The following GRM7 variants were observed in gnomAD, a reference collection of about 807,000 sequenced individuals.
GRM7 encodes metabotropic glutamate receptor 7.
Under a neutral mutation model 84.5 loss-of-function variants are expected in GRM7, and 35 were observed. The observed-to-expected ratio is 0.41, with a 90% CI of 0.32 to 0.55. The LOEUF (loss-of-function observed/expected upper bound fraction) is 0.55. Ranked by LOEUF, GRM7 falls within the 20% of genes least tolerant of loss-of-function variation. GRM7 has a pLI of 0.19. For synonymous variants in GRM7, 487 were observed against 455.1 expected (o/e 1.07, Z -0.89); for missense variants, 1,003 against 1,194.6 (o/e 0.84, Z 2.36).
intron 4 of GRM7, among the ~76,000 whole-genome samples, chr3:7,401,725 C>T: frequency 6.6e-6 from 1 of 152,104 alleles, no homozygotes; most frequent in East Asian, 1.9e-4. Context: ...GTGAAACTTC[C>T]ATCATTGCAT....
intron 1 of GRM7, among the ~76,000 whole-genome samples, chr3:6,927,604 G>A (rs1017453221): frequency 6.6e-6 from 1 of 152,024 alleles, no homozygotes; most frequent in African/African-American, 2.4e-5. Flanking sequence ...ACTTTAGAGA[G>A]AATAAATATC....
At chr3:7,546,167 A>G (rs1693137597) in intron 7 of GRM7, among the ~76,000 whole-genome samples, 1 of 152,196 alleles carries the variant, frequency 6.6e-6, no homozygotes, top group Admixed American at 6.5e-5. Context: ...ACACTCCCCT[A>G]TCCTCTCATA....
intron 1 of GRM7, among the ~76,000 whole-genome samples, chr3:6,911,886 T>C (rs956418571): frequency 1.3e-5 from 2 of 152,218 alleles, no homozygotes; most frequent in Non-Finnish European, 2.9e-5. Flanking sequence ...GATAATCATA[T>C]GCATTAGACG....
intron 4 of GRM7, among the ~76,000 whole-genome samples, chr3:7,352,057 CCACACACACACACACACACACACACACA>C (rs56873432): frequency 1.5e-5 from 2 of 136,894 alleles, no homozygotes; most frequent in Admixed American, 1.5e-4. Flanking sequence ...CACACACACA[CCACACACACACACACACACACACACACA>C]CACACACACA....
intron 1 of GRM7, among the ~76,000 whole-genome samples, chr3:6,955,176 A>G (rs895419897): frequency 1.3e-5 from 2 of 152,234 alleles, no homozygotes; most frequent in African/African-American, 4.8e-5. Context: ...TATCAAAACA[A>G]GACAAAACAA....
Position 7,573,946 on chromosome 3 carries a change from G to A in GRM7, c.1516-4476G>A, listed in dbSNP as rs187487960. Among the ~76,000 whole-genome samples, 31 of 152,234 alleles carry A rather than the reference G, an allele frequency of 2.0e-4. 1 individual carries two copies. The highest frequency in any genetic ancestry group is 9.8e-4 in the Admixed American group (15 of 15,310). On this transcript the variant is annotated intron_variant, in intron 7 of 9. Coordinates refer to ENST00000357716, the MANE Select transcript of GRM7 (RefSeq NM_000844.4). ...GAATGCGTGACTGCAATTAGTAGAT[G>A]GCCATGGAGAATTGGTTAGCCATTA...
chr3:7,404,172 C>G (rs945323647), intron 4 of GRM7, among the ~76,000 whole-genome samples: 2 of 152,136 alleles, frequency 1.3e-5, no homozygotes, highest in African/African-American at 4.8e-5. Context: ...TATACTTCCT[C>G]TATGTCAGGG....
At chr3:7,470,931 C>G (rs1698676210) in intron 7 of GRM7, among the ~76,000 whole-genome samples, 2 of 151,850 alleles carry the variant, frequency 1.3e-5, no homozygotes, top group African/African-American at 2.4e-5. Context: ...TAAAGTGCTT[C>G]CATCCAATTG....
At chr3:7,587,903 G>A (rs2125060741) in intron 8 of GRM7, among the ~76,000 whole-genome samples, 1 of 152,162 alleles carries the variant, frequency 6.6e-6, no homozygotes, top group South Asian at 2.1e-4. Flanking sequence ...TCAGAAAGAG[G>A]CCAGTGAACC....
At chr3:7,254,355 C>T (rs1698121326) in intron 2 of GRM7, among the ~76,000 whole-genome samples, 1 of 152,166 alleles carries the variant, frequency 6.6e-6, no homozygotes, top group South Asian at 2.1e-4. Flanking sequence ...GCATATTGCT[C>T]CAGAAAGGCA....
At chr3:6,887,718 G>T (rs983981602) in intron 1 of GRM7, among the ~76,000 whole-genome samples, 13 of 152,066 alleles carry the variant, frequency 8.5e-5, no homozygotes, top group South Asian at 4.1e-4. Flanking sequence ...TATAGCAGCA[G>T]GATTTATAGT....
At chr3:7,039,624 A>G in intron 1 of GRM7, among the ~76,000 whole-genome samples, 1 of 152,154 alleles carries the variant, frequency 6.6e-6, no homozygotes, top group East Asian at 1.9e-4. Flanking sequence ...GAGGACCCAT[A>G]ATTTCCATCT....
At chr3:7,732,397 G>A (rs556025129) in intron 9 of GRM7, among the ~76,000 whole-genome samples, 1 of 152,308 alleles carries the variant, frequency 6.6e-6, no homozygotes, top group South Asian at 2.1e-4. Flanking sequence ...CCCTGGTTGT[G>A]TATGAGGAGG....
chr3:7,214,108 A>C lies in GRM7; in HGVS notation c.736+67440A>C, dbSNP rs528689076. 6.8e-5 allele frequency among the ~76,000 whole-genome samples: 9 copies of C among 131,500 alleles called. 1 individual carries two copies. The South Asian group carries it at 2.1e-3, about 31-fold the overall frequency. The allele number at this position is 131,500 out of a possible 152,430, so 86.3% of individuals were successfully genotyped here. On this transcript the variant is annotated intron_variant, in intron 2 of 9. Coordinates refer to ENST00000357716, the MANE Select transcript of GRM7 (RefSeq NM_000844.4). ...ATGCTCACAGAGCTCATCTGAACTA[A>C]TCAGCCAAAAAAAAAAAAAAAGACA...
intron 8 of GRM7, among the ~76,000 whole-genome samples, chr3:7,642,863 A>G (rs895404791): frequency 2.0e-5 from 3 of 152,180 alleles, no homozygotes; most frequent in African/African-American, 7.2e-5. Flanking sequence ...AGCACATGGT[A>G]TGCACTCATT....
At chr3:7,434,829 A>G (rs1294926108) in intron 5 of GRM7, among the ~76,000 whole-genome samples, 1 of 152,100 alleles carries the variant, frequency 6.6e-6, no homozygotes, top group Admixed American at 6.5e-5. Context: ...AAATGTCCCC[A>G]CCTCTTCTAC....
chr3:7,475,616 G>A (rs993709225), intron 7 of GRM7, among the ~76,000 whole-genome samples: 1 of 152,182 alleles, frequency 6.6e-6, no homozygotes, highest in African/African-American at 2.4e-5. Context: ...TTACACAAAT[G>A]AGTGTCATCA....
chr3:7,713,795 CTTTTT>C (rs60007117), intron 9 of GRM7, among the ~76,000 whole-genome samples: 2,551 of 64,812 alleles, frequency 0.039, 90 homozygotes, highest in African/African-American at 0.12. Context: ...CGGATGCTTT[CTTTTT>C]TTTTTTTTTT....
intron 7 of GRM7, among the ~76,000 whole-genome samples, chr3:7,490,686 G>A (rs1345286839): frequency 2.6e-5 from 4 of 152,062 alleles, no homozygotes; most frequent in East Asian, 3.8e-4. Flanking sequence ...TCTATTAGAC[G>A]ATCTATATTT....
Sources: allele counts gnomAD v4.1 joint callset (sites outside exome capture counted in the v4.1 genomes callset), GRCh38; gene constraint gnomAD v4.1.1; transcripts MANE v1.5; gene names NCBI Gene and HGNC (gene_info 2026-07-23, HGNC 2026-07-21).